PLD5: variants seen among roughly 807,000 people sequenced by gnomAD.
The protein encoded by PLD5 is inactive phospholipase D5.
PLD5 carries 36 observed loss-of-function variants against 61.1 expected under a neutral mutation model. The observed-to-expected ratio is 0.59, with a 90% CI of 0.45 to 0.78. PLD5 has a LOEUF of 0.78. Among genes scored for constraint, PLD5 ranks in the 30% least tolerant of loss-of-function variants. The pLI is 0.00. For synonymous variants in PLD5, 243 were observed against 242.8 expected (o/e 1.00, Z -0.01); for missense variants, 515 against 644.4 (o/e 0.80, Z 2.17).
At chr1:242,186,568 A>G (rs1055329924) in intron 5 of PLD5, among the ~76,000 whole-genome samples, 1 of 152,100 alleles carries the variant, frequency 6.6e-6, no homozygotes, top group Non-Finnish European at 1.5e-5. Context: ...GAGAAATGAG[A>G]AACTATGCAG....
intron 3 of PLD5, among the ~76,000 whole-genome samples, chr1:242,281,399 G>A (rs1674710510): frequency 6.6e-6 from 1 of 152,050 alleles, no homozygotes; most frequent in Non-Finnish European, 1.5e-5. Flanking sequence ...AATGTTGCCA[G>A]GTCATATGGG....
chr1:242,521,795 A>C (rs967023407), intron 1 of PLD5, among the ~76,000 whole-genome samples: 48 of 152,192 alleles, frequency 3.2e-4, no homozygotes, highest in African/African-American at 1.2e-3. Context: ...TGTTGTTTAC[A>C]ATGAAGTCAA....
chr1:242,436,320 T>C (rs920363070), intron 1 of PLD5, among the ~76,000 whole-genome samples: 5 of 152,204 alleles, frequency 3.3e-5, no homozygotes, highest in African/African-American at 1.2e-4. Context: ...AATCACATCA[T>C]TCTTTTTGCC....
intron 2 of PLD5, among the ~76,000 whole-genome samples, chr1:242,324,420 T>C (rs1658621827): frequency 6.6e-6 from 1 of 152,216 alleles, no homozygotes. Context: ...TGAAATCACC[T>C]TTGCAAAAAT....
At chr1:242,478,637 G>A (rs1051924224) in intron 1 of PLD5, among the ~76,000 whole-genome samples, 42 of 152,134 alleles carry the variant, frequency 2.8e-4, no homozygotes, top group Non-Finnish European at 5.7e-4. Flanking sequence ...CACTTCGCAA[G>A]GAGCACCAAG....
At chr1:242,390,735 C>T (rs1352073312) in intron 1 of PLD5, among the ~76,000 whole-genome samples, 1 of 151,988 alleles carries the variant, frequency 6.6e-6, no homozygotes, top group East Asian at 1.9e-4. Flanking sequence ...CTGATCAGAC[C>T]CACTGAAACT....
In PLD5 at chr1:242,183,749, G is replaced by C. The variant is rs551438899; in HGVS notation, c.735+36239C>G. ...CTCTACTAAAAATACAAAAAATTAG[G>C]CAGGCGTGGTGGCGGGCCCCTGTAG... On this transcript the variant is annotated intron_variant, in intron 5 of 9. Coordinates refer to ENST00000536534, the MANE Select transcript of PLD5 (RefSeq NM_001372062.1). 6.4e-3 allele frequency among the ~76,000 whole-genome samples: 972 copies of C among 151,230 alleles called. 9 individuals carry two copies. The highest frequency in any genetic ancestry group is 0.021 in the African/African-American group (848 of 40,906).
intron 5 of PLD5, among the ~76,000 whole-genome samples, chr1:242,215,638 C>T (rs1670137903): frequency 6.6e-6 from 1 of 152,108 alleles, no homozygotes; most frequent in Non-Finnish European, 1.5e-5. Flanking sequence ...TCTTTGGATT[C>T]TAGCACAACG....
intron 2 of PLD5, among the ~76,000 whole-genome samples, chr1:242,326,767 C>T (rs907710877): frequency 6.6e-6 from 1 of 151,954 alleles, no homozygotes; most frequent in African/African-American, 2.4e-5. Context: ...AGTGCAGTGG[C>T]ATGATCACAG....
chr1:242,096,445 G>A lies in PLD5; in HGVS notation c.1354+4223C>T, dbSNP rs140841539. On this transcript the variant is annotated intron_variant, in intron 9 of 9. Transcript: ENST00000536534. ...CAACCTCTGCCTCCTGGACTCAAGC[G>A]ATTCCCCTGCCTCAGCCTCCCTAGT... 9.9e-5 allele frequency among the ~76,000 whole-genome samples: 15 copies of A among 151,110 alleles called. No individual in the cohort carries two copies. In the East Asian group the frequency reaches 1.8e-3, roughly 18 times the overall value.
At chr1:242,188,081 G>A (rs141890628) in intron 5 of PLD5, among the ~76,000 whole-genome samples, 1 of 152,300 alleles carries the variant, frequency 6.6e-6, no homozygotes, top group African/African-American at 2.4e-5. Flanking sequence ...CAGTCCCAGA[G>A]TAGAGCACTG....
At chr1:242,194,342 A>G (rs1668466148) in intron 5 of PLD5, among the ~76,000 whole-genome samples, 1 of 152,172 alleles carries the variant, frequency 6.6e-6, no homozygotes, top group Admixed American at 6.5e-5. Flanking sequence ...TAGTACAACC[A>G]CTATGGAAAA....
intron 1 of PLD5, among the ~76,000 whole-genome samples, chr1:242,410,850 A>AG (rs1165252846): frequency 6.6e-6 from 1 of 150,764 alleles, no homozygotes; most frequent in Non-Finnish European, 1.5e-5. Flanking sequence ...TGTAGGTCTT[A>AG]GGTGATCAAG....
chr1:242,153,843 T>TA (rs1288985546), intron 5 of PLD5, among the ~76,000 whole-genome samples: 1 of 152,182 alleles, frequency 6.6e-6, no homozygotes, highest in East Asian at 1.9e-4. Flanking sequence ...TGGGCTCTTT[T>TA]TTGGTTCCAT....
intron 1 of PLD5, among the ~76,000 whole-genome samples, chr1:242,417,393 C>T (rs1456981712): frequency 1.3e-5 from 2 of 152,200 alleles, no homozygotes; most frequent in African/African-American, 4.8e-5. Context: ...CTGAAGTTAC[C>T]ACCCTTTTCC....
intron 1 of PLD5, among the ~76,000 whole-genome samples, chr1:242,417,205 C>A (rs1449540479): frequency 6.6e-6 from 1 of 152,096 alleles, no homozygotes; most frequent in African/African-American, 2.4e-5. Flanking sequence ...GACGGAAGAA[C>A]AAGCTATAAA....
At position 242,297,409 on chromosome 1, in the gene PLD5, T is replaced by A. The variant is rs867025152; in HGVS notation, c.327-8879A>T. ...TTCCTATCACCCTTCAAGACTTTTTTTTTTTTTTTTTTTTTAAGGCAGGGT... is the reference window on the plus strand; with the variant it reads ...TTCCTATCACCCTTCAAGACTTTTTATTTTTTTTTTTTTTTAAGGCAGGGT... On this transcript the variant is annotated intron_variant, in intron 2 of 9. Coordinates refer to ENST00000536534, the MANE Select transcript of PLD5 (RefSeq NM_001372062.1). Among the ~76,000 whole-genome samples, 1,294 of 139,598 alleles carry A rather than the reference T, an allele frequency of 9.3e-3. 15 individuals are homozygous for A. The highest frequency in any genetic ancestry group is 0.019 in the African/African-American group (717 of 38,312). The allele number at this position is 139,598 out of a possible 152,430, so 91.6% of individuals were successfully genotyped here. A position where few individuals can be genotyped will look rare whatever the true frequency, so the allele number is the denominator to read the frequency against.
chr1:242,168,626 T>A (rs1034150773), intron 5 of PLD5, among the ~76,000 whole-genome samples: 4 of 152,198 alleles, frequency 2.6e-5, no homozygotes, highest in Non-Finnish European at 5.9e-5. Flanking sequence ...TGAGTACCAC[T>A]GATGATATGC....
chr1:242,135,294 G>T (rs1187367119), intron 5 of PLD5, among the ~76,000 whole-genome samples: 1 of 152,116 alleles, frequency 6.6e-6, no homozygotes, highest in Non-Finnish European at 1.5e-5. Context: ...ATTAACAGCA[G>T]CAATATTATA....
Sources: gnomAD v4.1 joint callset for allele counts (sites outside exome capture counted in the v4.1 genomes callset) on GRCh38, gnomAD v4.1.1 for gene constraint, MANE v1.5 for transcripts, NCBI Gene and HGNC (gene_info 2026-07-23, HGNC 2026-07-21) for gene names.